Variants in CDIN1 observed in about 807,000 individuals in gnomAD.
The protein encoded by CDIN1 is CDAN1 interacting nuclease 1.
Under a neutral mutation model 45.3 loss-of-function variants are expected in CDIN1, and 33 were observed. The observed-to-expected ratio is 0.73, with a 90% CI of 0.55 to 0.97. The LOEUF (loss-of-function observed/expected upper bound fraction) is 0.97, where lower values mean the gene tolerates loss of function less well. Ranked by LOEUF, CDIN1 falls within the 50% of genes least tolerant of loss-of-function variation. CDIN1 has a pLI of 0.00. For missense variants in CDIN1, 303 were observed against 339.4 expected, an observed-to-expected ratio of 0.89 and a Z score of 0.84; for synonymous variants, 118 against 124.4, an observed-to-expected ratio of 0.95 and a Z score of 0.34.
rs1566912621 is a variant in CDIN1, at chr15:36,701,126, A to AGG, written c.544+3736_544+3737insGG. 9.7e-3 allele frequency among the ~76,000 whole-genome samples: 370 copies of AGG among 37,952 alleles called. 2 individuals are homozygous for AGG. The highest frequency in any genetic ancestry group is 0.025 in the African/African-American group (356 of 14,470). The allele number at this position is 37,952 out of a possible 152,430, so 24.9% of individuals were successfully genotyped here. ...GATAGATAGATAGATAGGTAGGTAG[A>AGG]TAGATAGATAGATAGATAGATAGAT... On this transcript the variant is annotated intron_variant, in intron 8 of 10. Coordinates refer to ENST00000566621, the MANE Select transcript of CDIN1 (RefSeq NM_001321759.2).
At chr15:36,617,915 T>A (rs1326628654) in intron 1 of CDIN1, 4 of 765,490 alleles carry the variant, frequency 5.2e-6, no homozygotes, top group African/African-American at 1.7e-5. Flanking sequence ...CATCAATACA[T>A]TTTTTGCTAA....
intron 1 of CDIN1, among the ~76,000 whole-genome samples, chr15:36,599,279 G>C (rs968647367): frequency 2.0e-5 from 3 of 152,078 alleles, no homozygotes; most frequent in East Asian, 3.9e-4. Flanking sequence ...TTAGTCTACT[G>C]TTCTACTTAA....
chr15:36,668,032 C>T (rs980127751), intron 5 of CDIN1: 1 of 152,112 alleles, frequency 6.6e-6, no homozygotes, highest in Non-Finnish European at 1.5e-5. Flanking sequence ...CTTGCTAAAA[C>T]TGATTATTAT....
Position 36,614,266 on chromosome 15 carries a change from C to T in CDIN1, c.102-30012C>T, listed in dbSNP as rs149471491. On this transcript the variant is annotated intron_variant, in intron 1 of 10. Transcript: ENST00000566621. ...CCTGACTCCACCTAAGGCCAGCCTG[C>T]CCGAAGCTGACCTTTAACTGAGGGC... is the stretch of plus-strand genomic sequence containing the variant. 7.3e-5 allele frequency: 44 copies of T among 600,308 alleles called. No homozygotes were observed. The African/African-American group carries it at 7.6e-4, about 10-fold the overall frequency. 37.2% of individuals were successfully genotyped at this position (600,308 alleles called of 1,614,324 possible).
chr15:36,584,212 C>T (rs1355548470), intron 1 of CDIN1, among the ~76,000 whole-genome samples: 1 of 152,152 alleles, frequency 6.6e-6, no homozygotes, highest in Non-Finnish European at 1.5e-5. Context: ...GCACCTCTTA[C>T]CACCATGTAT....
intron 10 of CDIN1, among the ~76,000 whole-genome samples, chr15:36,770,794 GATCT>G (rs1371192766): frequency 6.6e-6 from 1 of 152,164 alleles, no homozygotes; most frequent in African/African-American, 2.4e-5. Flanking sequence ...GCCTCTAGGA[GATCT>G]ATCTGTTTCA....
rs114151642 is a variant in CDIN1 at position 36,613,506 on chromosome 15, G to A, written c.102-30772G>A. On this transcript the variant is annotated intron_variant, in intron 1 of 10. Coordinates refer to ENST00000566621, the MANE Select transcript of CDIN1 (RefSeq NM_001321759.2). The stretch of plus-strand genomic sequence containing the variant: ...ATCACCACCATCAAGGCGGTGAAGC[G>A]CAAGATCCAGGTTGTGCAGCAGCAG... The A allele has an allele frequency of 1.8e-3, 2,763 of 1,547,130 alleles. 54 individuals are homozygous for A. In the African/African-American group the frequency reaches 0.032, roughly 18 times the overall value.
chr15:36,607,474 A>G (rs1412969042), intron 1 of CDIN1, among the ~76,000 whole-genome samples: 2 of 152,192 alleles, frequency 1.3e-5, no homozygotes, highest in Non-Finnish European at 2.9e-5. Flanking sequence ...AAAATATAAT[A>G]GCTTACTTCA....
intron 10 of CDIN1, 144 bp downstream of exon 10, chr15:36,710,105 A>G (rs970708218): frequency 1.9e-6 from 1 of 525,644 alleles, no homozygotes; most frequent in South Asian, 4.5e-5. Flanking sequence ...TTCATTTCAG[A>G]TAATTTAAAC....
At chr15:36,650,969 AG>A (rs1471343345) in intron 3 of CDIN1, among the ~76,000 whole-genome samples, 2 of 152,006 alleles carry the variant, frequency 1.3e-5, no homozygotes, top group African/African-American at 4.8e-5. Flanking sequence ...AGACTGAGGC[AG>A]GAGAATTGCT....
chr15:36,606,943 C>T (rs2038406247), intron 1 of CDIN1, among the ~76,000 whole-genome samples: 2 of 152,142 alleles, frequency 1.3e-5, no homozygotes, highest in Non-Finnish European at 2.9e-5. Flanking sequence ...TTGGAAGTCA[C>T]AGAGAGACTT....
intron 10 of CDIN1, among the ~76,000 whole-genome samples, chr15:36,715,196 A>T (rs529461488): frequency 1.4e-5 from 2 of 146,092 alleles, no homozygotes; most frequent in South Asian, 4.2e-4. Flanking sequence ...GCTGAGTTCT[A>T]TCTGTCAGAT....
At chr15:36,629,303 T>C (rs979367947) in intron 1 of CDIN1, among the ~76,000 whole-genome samples, 1 of 152,228 alleles carries the variant, frequency 6.6e-6, no homozygotes, top group African/African-American at 2.4e-5. Flanking sequence ...AAAATTAATT[T>C]GTTTGATTTT....
At chr15:36,680,328 C>A (rs1377717615) in intron 5 of CDIN1, among the ~76,000 whole-genome samples, 15 of 152,140 alleles carry the variant, frequency 9.9e-5, no homozygotes, top group Admixed American at 9.8e-4. Context: ...AGTTTTATAA[C>A]TCTGGCTCCA....
intron 1 of CDIN1, among the ~76,000 whole-genome samples, chr15:36,620,533 G>A (rs1293155249): frequency 1.3e-5 from 2 of 151,856 alleles, no homozygotes; most frequent in African/African-American, 4.8e-5. Context: ...ATCCCCAAAA[G>A]CAAAATAACC....
intron 5 of CDIN1, among the ~76,000 whole-genome samples, chr15:36,690,519 C>T (rs903261193): frequency 1.3e-5 from 2 of 152,036 alleles, no homozygotes; most frequent in East Asian, 1.9e-4. Flanking sequence ...CCACCCGCCT[C>T]GGCCTCCCAA....
intron 1 of CDIN1, among the ~76,000 whole-genome samples, chr15:36,619,469 T>TTCTATCTATCTGTCTATCTA (rs370041510): frequency 5.4e-4 from 80 of 147,164 alleles, no homozygotes; most frequent in African/African-American, 1.9e-3. Flanking sequence ...GCTGGAGGAT[T>TTCTATCTATCTGTCTATCTA]TCTATCTATC....
intron 1 of CDIN1, among the ~76,000 whole-genome samples, chr15:36,598,364 T>C (rs568861413): frequency 3.1e-4 from 44 of 143,914 alleles, no homozygotes; most frequent in African/African-American, 1.0e-3. Context: ...AAATAGTCCA[T>C]TGGAAACAAA....
intron 1 of CDIN1, chr15:36,617,067 A>G: frequency 2.6e-6 from 2 of 778,278 alleles, no homozygotes; most frequent in South Asian, 1.3e-5. Flanking sequence ...TGTGGGAACG[A>G]TTGGGCCGAG....
Sources: allele counts gnomAD v4.1 joint callset (sites outside exome capture counted in the v4.1 genomes callset), GRCh38; gene constraint gnomAD v4.1.1; transcripts MANE v1.5; gene names NCBI Gene and HGNC (gene_info 2026-07-23, HGNC 2026-07-21).